The following APOB variants were observed in gnomAD, a reference collection of about 807,000 sequenced individuals.
APOB encodes the protein apolipoprotein B-100.
A neutral mutation model predicts 314.1 loss-of-function variants in APOB; 153 were observed. The ratio of observed to expected loss-of-function variants is 0.49; its 90% confidence interval spans 0.43 to 0.56. The LOEUF (loss-of-function observed/expected upper bound fraction) is 0.56, where lower values mean the gene tolerates loss of function less well. APOB is among the 20% of genes least tolerant of loss of function. The pLI, the probability that APOB is intolerant of heterozygous loss-of-function variation, is 0.00. For synonymous variants in APOB, 2,087 were observed against 2,036.4 expected (o/e 1.02, Z -0.67); for missense variants, 5,430 against 5,350.7 (o/e 1.01, Z -0.46).
At chr2:21,038,716 T>A (rs1664064705) in intron 4 of APOB, among the ~76,000 whole-genome samples, 1 of 152,204 alleles carries the variant, frequency 6.6e-6, no homozygotes, top group Non-Finnish European at 1.5e-5. Context: ...ATCCTCCCCA[T>A]ACGGACACCC....
At chr2:21,025,596 G>T (rs1358815842) in intron 15 of APOB, among the ~76,000 whole-genome samples, 1 of 152,150 alleles carries the variant, frequency 6.6e-6, no homozygotes, top group African/African-American at 2.4e-5. Flanking sequence ...CTCAGAGATG[G>T]ATGCCCAGGC....
rs973596094 is a variant in APOB at position 21,012,197 on chromosome 2, A to G, written c.4671T>C (p.Asn1557=). The G allele has an allele frequency of 1.9e-6, 3 of 1,602,806 alleles. No individual in the cohort carries two copies. Among genetic ancestry groups the G allele is most frequent in the African/African-American group, 2.7e-5 (2 of 74,502 alleles). The change falls in exon 26 of 29, where the codon AAT becomes AAC. Residue 1557 remains asparagine, a synonymous_variant. Transcript: ENST00000233242. Reference sequence around the variant, plus strand: ...AGTTCTCATACTTTAGGGAAGCAGTATTTTTAATGATGCCACTTTGCAGAT... The same window carrying G: ...AGTTCTCATACTTTAGGGAAGCAGTGTTTTTAATGATGCCACTTTGCAGAT... ...TSDLQSGIIK[N]TASLKYENYE...
chr2:21,019,451 T>C (rs1663545892), intron 19 of APOB, among the ~76,000 whole-genome samples: 1 of 152,106 alleles, frequency 6.6e-6, no homozygotes, highest in South Asian at 2.1e-4. Context: ...TCCAGGAAGC[T>C]CATAGCGATG....
chr2:21,025,173 C>T, intron 15 of APOB, 49 bp from the exon 16 acceptor site: 1 of 1,578,220 alleles, frequency 6.3e-7, no homozygotes, highest in South Asian at 1.1e-5. Context: ...CAATGTCAAA[C>T]ACCTTTCAGT....
In APOB at chr2:21,014,317, A is replaced by G. The variant is rs1043962255; in HGVS notation, c.3842+131T>C. 8.6e-6 allele frequency: 9 copies of G among 1,052,424 alleles called. No homozygotes were observed. In the African/African-American group the frequency reaches 1.3e-4, roughly 15 times the overall value. 65.2% of individuals were successfully genotyped at this position (1,052,424 alleles called of 1,614,324 possible). A position where few individuals can be genotyped will look rare whatever the true frequency, so the allele number is the denominator to read the frequency against. ...GCAAAGATGCCACAGTGTTTGTGCT[A>G]TAGTTATTAATCTCCTTAAAATGCT... is the stretch of plus-strand genomic sequence containing the variant. On this transcript the variant is annotated intron_variant, in intron 24 of 28. Coordinates refer to ENST00000233242, the MANE Select transcript of APOB (RefSeq NM_000384.3).
intron 20 of APOB, among the ~76,000 whole-genome samples, chr2:21,016,998 T>TA (rs1369293854): frequency 7.5e-5 from 9 of 120,132 alleles, no homozygotes; most frequent in African/African-American, 2.8e-4. Context: ...AATAAATAAA[T>TA]AAATAAATAA....
intron 18 of APOB, among the ~76,000 whole-genome samples, chr2:21,020,756 G>A (rs1365542513): frequency 3.3e-5 from 5 of 152,150 alleles, no homozygotes; most frequent in Non-Finnish European, 7.3e-5. Flanking sequence ...CCAAGTTGGG[G>A]GTGCCACAAG....
rs565203677 is a variant in APOB at position 21,041,997 on chromosome 2, A to G, written c.237+364T>C. 2.6e-5 allele frequency among the ~76,000 whole-genome samples: 4 copies of G among 152,334 alleles called. No individual in the cohort carries two copies. In the East Asian group the frequency reaches 7.7e-4, roughly 29 times the overall value. On this transcript the variant is annotated intron_variant, in intron 3 of 28. Coordinates refer to ENST00000233242, the MANE Select transcript of APOB (RefSeq NM_000384.3). Reference sequence around the variant, plus strand: ...GTTTGACTTAAATTATAAAAACTGCATTTCACAGTGCGATTCCGAGTTGCC... The same window carrying G: ...GTTTGACTTAAATTATAAAAACTGCGTTTCACAGTGCGATTCCGAGTTGCC...
chr2:21,009,110 A>G lies in APOB; in HGVS notation c.7758T>C (p.Thr2586=), dbSNP rs893830534. The change falls in exon 26 of 29, where the codon ACT becomes ACC. Residue 2586 remains threonine, a synonymous_variant. Transcript: ENST00000233242. ...CAAGGATGGTCTTGATTTCAGGAAC[A>G]GTGAACCCTTGCTCTACCAATGCTT... ...RMKALVEQGF[T]VPEIKTILGT... 2 of 1,614,094 alleles carry G rather than the reference A, an allele frequency of 1.2e-6. No homozygotes were observed. The highest frequency in any genetic ancestry group is 1.7e-6 in the Non-Finnish European group (2 of 1,179,950).
At chr2:21,014,168 C>T (rs1013453239) in intron 24 of APOB, among the ~76,000 whole-genome samples, 5 of 152,180 alleles carry the variant, frequency 3.3e-5, no homozygotes, top group Admixed American at 1.3e-4. Context: ...TCTTCACAGT[C>T]AGAGGGAGAA....
intron 10 of APOB, among the ~76,000 whole-genome samples, chr2:21,030,846 A>G (rs1663859569): frequency 6.6e-6 from 1 of 152,234 alleles, no homozygotes; most frequent in African/African-American, 2.4e-5. Flanking sequence ...TAGGCATATG[A>G]AAAAATGCAT....
intron 15 of APOB, 39 bp downstream of exon 15, chr2:21,026,749 C>A (rs376616589): frequency 3.9e-6 from 6 of 1,544,558 alleles, no homozygotes; most frequent in Non-Finnish European, 5.4e-6. Context: ...GCATTGAGAC[C>A]CAAAGCTTTC....
chr2:21,022,182 G>C (rs1663623764), intron 18 of APOB, among the ~76,000 whole-genome samples: 1 of 152,110 alleles, frequency 6.6e-6, no homozygotes, highest in Non-Finnish European at 1.5e-5. Context: ...GCCCAGGCTG[G>C]TATCCAAACA....
chr2:21,033,254 G>T, intron 9 of APOB, 45 bp downstream of exon 9: 1 of 1,506,048 alleles, frequency 6.6e-7, no homozygotes, highest in Non-Finnish European at 9.2e-7. Context: ...AGTTCAGTCA[G>T]TTACCATCAG....
chr2:21,012,501 T>C lies in APOB; in HGVS notation c.4367A>G (p.Asp1456Gly), dbSNP rs373210188. 1.5e-5 allele frequency: 25 copies of C among 1,614,108 alleles called. No homozygotes were observed. Among genetic ancestry groups the C allele is most frequent in the Non-Finnish European group, 2.5e-6 (3 of 1,180,048 alleles). Residue 1456 changes from aspartate to glycine, a missense_variant, in exon 26 of 29, where the codon GAT becomes GGT. Asp to Gly is a moderately conservative substitution (Grantham distance 94, BLOSUM62 -1). Transcript: ENST00000233242. ...NPVSKGLLIF[D>G]ASSSWGPQMS... ...CTGTGGTCCCCAGGAACTAGATGCATCGAATATTAGTAAACCTTTTGAGAC... is the reference window on the plus strand; with the variant it reads ...CTGTGGTCCCCAGGAACTAGATGCACCGAATATTAGTAAACCTTTTGAGAC...
chr2:21,022,988 T>C lies in APOB; in HGVS notation c.2659A>G (p.Met887Val). 6.2e-7 allele frequency: 1 copy of C among 1,614,206 alleles called. No individual in the cohort carries two copies. Among genetic ancestry groups the C allele is most frequent in the Non-Finnish European group, 8.5e-7 (1 of 1,180,038 alleles). ...PSVSVEFVTN[M>V]GIIIPDFARS... is the part of the protein sequence containing the mutation. ...GCGAAGTCCGGAATGATGATGCCCA[T>C]ATTTGTCACAAACTCCACAGACACG... is the stretch of plus-strand genomic sequence containing the variant. Residue 887 changes from methionine (M) to valine (V), a missense_variant, in exon 18 of 29, where the codon ATG (methionine) becomes GTG (valine). Physicochemically the swap from Met to Val is conservative, Grantham distance 21 (BLOSUM62 1). This residue lies in a region of APOB where 2,085 missense variants were observed against 2,079.7 expected (regional missense o/e 1.00). Transcript: ENST00000233242.
At position 21,011,016 on chromosome 2, in the gene APOB, C is replaced by T; in HGVS notation, c.5852G>A (p.Ser1951Asn). The T allele has an allele frequency of 1.2e-6, 2 of 1,614,124 alleles. No individual in the cohort carries two copies. Among genetic ancestry groups the T allele is most frequent in the South Asian group, 1.1e-5 (1 of 91,082 alleles). ...GCTTTTCCTAGACACGAGATGATGA[C>T]TTGTGGAGCCTTTGTAATCATGAGA... is the stretch of plus-strand genomic sequence containing the variant. Reference protein sequence around the residue: ...TFSHDYKGSTSHHLVSRKSIS... With the variant: ...TFSHDYKGSTNHHLVSRKSIS... Residue 1951 changes from serine (S) to asparagine (N), a missense_variant, in exon 26 of 29, where the codon AGT (serine) becomes AAT (asparagine). By Grantham distance (46) the Ser-to-Asn change is conservative. Transcript: ENST00000233242.
In APOB at chr2:21,005,710, A is replaced by T. The variant is rs1462651585; in HGVS notation, c.11158T>A (p.Ser3720Thr). 6.2e-7 allele frequency: 1 copy of T among 1,613,978 alleles called. No homozygotes were observed. ...TCAGCCAAAACTTTTACAGGGATGG[A>T]GAATGAATAGCCATTGGGGTTTTTG... ...YTKNPNGYSF[S>T]IPVKVLADKF... The change falls in exon 26 of 29, where the codon TCC (serine) becomes ACC (threonine). Residue 3720 changes from serine to threonine, a missense_variant. This residue lies in a region of APOB where 3,281 missense variants were observed against 3,171.0 expected (regional missense o/e 1.03). Coordinates refer to ENST00000233242, the MANE Select transcript of APOB (RefSeq NM_000384.3).
rs774659447 is a variant in APOB at position 21,007,233 on chromosome 2, C to T, written c.9635G>A (p.Arg3212Lys). ...KSFDRHFEKN[R>K]NNALDFVTKS... ...GGTGACAAAATCTAATGCATTGTTT[C>T]TGTTTTTTTCAAAATGCCTGTCAAA... The change falls in exon 26 of 29, where the codon AGA becomes AAA. Residue 3212 changes from arginine (R) to lysine (K), a missense_variant. Arg to Lys is a conservative substitution (Grantham distance 26). This residue lies in a region of APOB where 3,281 missense variants were observed against 3,171.0 expected (regional missense o/e 1.03). Coordinates refer to ENST00000233242, the MANE Select transcript of APOB (RefSeq NM_000384.3). 6.2e-7 allele frequency: 1 copy of T among 1,613,276 alleles called. No individual in the cohort carries two copies. The highest frequency in any genetic ancestry group is 8.5e-7 in the Non-Finnish European group (1 of 1,179,592).
Sources: gnomAD v4.1 joint callset for allele counts (sites outside exome capture counted in the v4.1 genomes callset) on GRCh38, gnomAD v4.1.1 for gene constraint, gnomAD v4.1.1 regional missense constraint, MANE v1.5 for transcripts, NCBI Gene and HGNC (gene_info 2026-07-23, HGNC 2026-07-21) for gene names.